PHACTR1: variants seen among roughly 807,000 people sequenced by gnomAD.
The protein encoded by PHACTR1 is phosphatase and actin regulator 1.
In PHACTR1, 16 loss-of-function variants were observed where a neutral mutation model predicts 69.2. That is an observed-to-expected ratio of 0.23 (90% CI 0.16 to 0.35). The LOEUF (loss-of-function observed/expected upper bound fraction) is 0.35, where lower values mean the gene tolerates loss of function less well. Among genes scored for constraint, PHACTR1 ranks in the 10% least tolerant of loss-of-function variants. The probability of loss-of-function intolerance (pLI) is 1.00; values close to 1 mark genes in which losing one functional copy is unlikely to be tolerated. For missense variants in PHACTR1, 510 were observed against 734.7 expected, an observed-to-expected ratio of 0.69 and a Z score of 3.54; for synonymous variants, 312 against 284.5, an observed-to-expected ratio of 1.10 and a Z score of -0.97.
intron 4 of PHACTR1, among the ~76,000 whole-genome samples, chr6:12,794,209 C>T (rs1432345706): frequency 2.0e-5 from 3 of 152,208 alleles, no homozygotes; most frequent in African/African-American, 7.2e-5. Flanking sequence ...CCTTCTTCTT[C>T]CTTTAAGTCA....
At chr6:12,934,961 G>A (rs1789277146) in intron 4 of PHACTR1, among the ~76,000 whole-genome samples, 1 of 152,136 alleles carries the variant, frequency 6.6e-6, no homozygotes, top group Admixed American at 6.5e-5. Flanking sequence ...TTCAATCCCA[G>A]CTCTATCCCT....
At chr6:12,935,627 A>AGGTG (rs1789359771) in intron 4 of PHACTR1, among the ~76,000 whole-genome samples, 1 of 136,110 alleles carries the variant, frequency 7.3e-6, no homozygotes, top group South Asian at 2.2e-4. Flanking sequence ...TGGTATGCCC[A>AGGTG]CGTGTGTGTG....
intron 5 of PHACTR1, among the ~76,000 whole-genome samples, chr6:13,070,454 T>C (rs1388848059): frequency 2.6e-5 from 4 of 152,086 alleles, no homozygotes; most frequent in Non-Finnish European, 5.9e-5. Flanking sequence ...GCCTAATACC[T>C]GTTTGATAGG....
At chr6:13,184,107 G>A (rs966574563) in intron 7 of PHACTR1, among the ~76,000 whole-genome samples, 3 of 152,238 alleles carry the variant, frequency 2.0e-5, no homozygotes, top group Non-Finnish European at 2.9e-5. Flanking sequence ...AGGAGCTGGT[G>A]GGGGCAGGAT....
At chr6:12,950,248 A>G (rs1460846683) in intron 4 of PHACTR1, among the ~76,000 whole-genome samples, 3 of 152,172 alleles carry the variant, frequency 2.0e-5, no homozygotes, top group East Asian at 1.9e-4. Context: ...TCCTCATAGC[A>G]TGGCGGCCTC....
intron 4 of PHACTR1, among the ~76,000 whole-genome samples, chr6:12,768,421 T>C (rs1387582939): frequency 6.6e-6 from 1 of 152,168 alleles, no homozygotes; most frequent in Non-Finnish European, 1.5e-5. Flanking sequence ...GCCCAAATCC[T>C]TTTTAAGAAC....
intron 5 of PHACTR1, among the ~76,000 whole-genome samples, chr6:13,058,779 T>C (rs1807185416): frequency 1.3e-5 from 2 of 152,154 alleles, no homozygotes; most frequent in African/African-American, 4.8e-5. Context: ...GCAAAGGCCC[T>C]GTGGTAGAAG....
In PHACTR1 at chr6:12,911,817, T is replaced by A. The variant is rs537767033; in HGVS notation, c.251-141548T>A. ...GCTTTACAAAATAATCTCATTGTCA[T>A]TTAAAGTAGCTAAGTCTTCTCCACC... is the stretch of plus-strand genomic sequence containing the variant. On this transcript the variant is annotated intron_variant, in intron 4 of 14. Transcript: ENST00000332995. Among the ~76,000 whole-genome samples, 10 of 152,330 alleles carry A rather than the reference T, an allele frequency of 6.6e-5. No individual in the cohort carries two copies. In the East Asian group the frequency reaches 1.9e-3, roughly 29 times the overall value.
intron 4 of PHACTR1, among the ~76,000 whole-genome samples, chr6:12,967,910 A>G (rs1793689698): frequency 6.6e-6 from 1 of 152,230 alleles, no homozygotes; most frequent in Non-Finnish European, 1.5e-5. Context: ...TGAAAACACT[A>G]TCTTGAAAAC....
chr6:12,824,114 C>T (rs554049344), intron 4 of PHACTR1, among the ~76,000 whole-genome samples: 6 of 152,106 alleles, frequency 3.9e-5, no homozygotes, highest in Non-Finnish European at 5.9e-5. Context: ...CTCTGCCTCC[C>T]GTCAGATCAG....
intron 4 of PHACTR1, among the ~76,000 whole-genome samples, chr6:12,988,728 A>G (rs1796473899): frequency 1.3e-5 from 2 of 152,230 alleles, no homozygotes; most frequent in Non-Finnish European, 2.9e-5. Flanking sequence ...TGGCCAAGAC[A>G]GTCATGTTCG....
chr6:12,815,233 A>T (rs1041208300), intron 4 of PHACTR1, among the ~76,000 whole-genome samples: 2 of 152,206 alleles, frequency 1.3e-5, no homozygotes, highest in African/African-American at 4.8e-5. Context: ...TTAAAACTGA[A>T]GCAATGCAAA....
intron 10 of PHACTR1, among the ~76,000 whole-genome samples, chr6:13,237,540 C>A (rs1772184563): frequency 1.3e-5 from 2 of 152,246 alleles, no homozygotes; most frequent in African/African-American, 4.8e-5. Context: ...ACTGCACATG[C>A]CGAGGAGACA....
At chr6:12,965,655 C>T (rs572150799) in intron 4 of PHACTR1, among the ~76,000 whole-genome samples, 57 of 152,054 alleles carry the variant, frequency 3.7e-4, no homozygotes, top group East Asian at 1.4e-3. Context: ...GATGAATCAA[C>T]GGTATGTGTT....
Position 12,853,333 on chromosome 6 carries a change from A to T in PHACTR1, c.250+103543A>T, listed in dbSNP as rs9369613. On this transcript the variant is annotated intron_variant, in intron 4 of 14. Coordinates refer to ENST00000332995, the MANE Select transcript of PHACTR1 (RefSeq NM_030948.6). ...ACTCAGCCTCAGAATCTCCAACGAA[A>T]CACCTAGACAGGCAAAAGAAGCTGA... 8.3e-3 allele frequency among the ~76,000 whole-genome samples: 1,271 copies of T among 152,262 alleles called. 53 individuals are homozygous for T. In the East Asian group the frequency reaches 0.14, roughly 17 times the overall value.
chr6:13,000,930 T>C (rs1798031573), intron 4 of PHACTR1, among the ~76,000 whole-genome samples: 1 of 152,192 alleles, frequency 6.6e-6, no homozygotes, highest in Non-Finnish European at 1.5e-5. Context: ...GGAAAGGCCT[T>C]AGCAATCTTC....
intron 4 of PHACTR1, among the ~76,000 whole-genome samples, chr6:12,765,811 A>G (rs1768539529): frequency 6.6e-6 from 1 of 152,214 alleles, no homozygotes; most frequent in African/African-American, 2.4e-5. Flanking sequence ...TTGCAATGAT[A>G]CATACCATTA....
chr6:12,966,006 A>AAGAGAGG lies in PHACTR1; in HGVS notation c.251-87356_251-87350dup, dbSNP rs1793439702. On this transcript the variant is annotated intron_variant, in intron 4 of 14. Coordinates refer to ENST00000332995, the MANE Select transcript of PHACTR1 (RefSeq NM_030948.6). ...CGGACATGGCGGTGGCAAGGAATGG[A>AAGAGAGG]AGAGAGGAGGCAAAGTATAAATGAT... Among the ~76,000 whole-genome samples, 3 of 152,260 alleles carry AAGAGAGG rather than the reference A, an allele frequency of 2.0e-5. No homozygotes were observed. The South Asian group carries it at 6.2e-4, about 32-fold the overall frequency.
chr6:12,899,626 C>T (rs1784994981), intron 4 of PHACTR1, among the ~76,000 whole-genome samples: 1 of 152,226 alleles, frequency 6.6e-6, no homozygotes, highest in African/African-American at 2.4e-5. Context: ...TGTTTGCCTG[C>T]ACCCTCTTCT....
Sources: allele counts gnomAD v4.1 joint callset (sites outside exome capture counted in the v4.1 genomes callset), GRCh38; gene constraint gnomAD v4.1.1; transcripts MANE v1.5; gene names NCBI Gene and HGNC (gene_info 2026-07-23, HGNC 2026-07-21).